Variants in KLHL3 observed in about 807,000 individuals in gnomAD.
The protein encoded by KLHL3 is kelch like family member 3.
Under a neutral mutation model 70.5 loss-of-function variants are expected in KLHL3, and 19 were observed. The ratio of observed to expected loss-of-function variants is 0.27; its 90% CI spans 0.19 to 0.40. The LOEUF is 0.40. KLHL3 is among the 10% of genes least tolerant of loss of function. The pLI is 1.00. For missense variants in KLHL3, 512 were observed against 771.1 expected (o/e 0.66, Z 3.98); for synonymous variants, 258 against 290.3 (o/e 0.89, Z 1.13).
intron 2 of KLHL3, among the ~76,000 whole-genome samples, chr5:137,719,886 T>G (rs559575551): frequency 3.7e-4 from 56 of 152,212 alleles, no homozygotes; most frequent in Admixed American, 7.2e-4. Context: ...AGTTTATGAA[T>G]AGACTTGCTG....
At chr5:137,687,052 C>T (rs1752191988) in intron 5 of KLHL3, among the ~76,000 whole-genome samples, 2 of 113,710 alleles carry the variant, frequency 1.8e-5, no homozygotes, top group African/African-American at 6.4e-5. Context: ...GGCCAGCCGC[C>T]CCGTCCGGGA....
At chr5:137,653,039 G>C (rs953103723) in intron 8 of KLHL3, 13 of 151,082 alleles carry the variant, frequency 8.6e-5, no homozygotes, top group Admixed American at 2.0e-4. Context: ...TCAGGAGATT[G>C]AGACCATCCT....
At chr5:137,708,586 C>T (rs1752729170) in intron 3 of KLHL3, among the ~76,000 whole-genome samples, 2 of 152,152 alleles carry the variant, frequency 1.3e-5, no homozygotes, top group Non-Finnish European at 1.5e-5. Context: ...AACAAACAAG[C>T]CCACCAAGGT....
intron 13 of KLHL3, chr5:137,627,978 A>C: frequency 3.3e-6 from 1 of 304,270 alleles, no homozygotes; most frequent in South Asian, 4.4e-5. Context: ...TACCTACTAA[A>C]GCTGTTGGGC....
intron 2 of KLHL3, among the ~76,000 whole-genome samples, chr5:137,714,540 A>G (rs1263825103): frequency 6.6e-6 from 1 of 152,226 alleles, no homozygotes; most frequent in African/African-American, 2.4e-5. Flanking sequence ...GCCAGATACA[A>G]AAGGCTACCT....
chr5:137,662,240 T>TACAC (rs138942924), intron 6 of KLHL3, among the ~76,000 whole-genome samples: 2,342 of 141,828 alleles, frequency 0.017, 23 homozygotes, highest in Middle Eastern at 0.021. Context: ...ACACACACTC[T>TACAC]ACACACACAC....
At chr5:137,651,705 A>C (rs1011440260) in intron 8 of KLHL3, among the ~76,000 whole-genome samples, 2 of 152,184 alleles carry the variant, frequency 1.3e-5, no homozygotes, top group Non-Finnish European at 1.5e-5. Context: ...GTAGATAGAC[A>C]AGTTGATTCT....
At chr5:137,661,235 C>T (rs1050523262) in intron 7 of KLHL3, 2 of 152,068 alleles carry the variant, frequency 1.3e-5, no homozygotes, top group African/African-American at 4.8e-5. Context: ...CTAGTGACCC[C>T]GATAAATCCC....
chr5:137,728,708 A>G lies in KLHL3; in HGVS notation c.14+6925T>C, dbSNP rs148160104. On this transcript the variant is annotated intron_variant, in intron 1 of 14. Transcript: ENST00000309755. ...ACATGCTAGAAAGGCAGGGGATAGAAGAGTCTCCAAGCAGGCTGATTGTGC... is the reference window on the plus strand; with the variant it reads ...ACATGCTAGAAAGGCAGGGGATAGAGGAGTCTCCAAGCAGGCTGATTGTGC... Among the ~76,000 whole-genome samples, 1,263 of 152,294 alleles carry G rather than the reference A, an allele frequency of 8.3e-3. 21 individuals carry two copies. Among genetic ancestry groups the G allele is most frequent in the African/African-American group, 0.029 (1,192 of 41,560 alleles).
intron 13 of KLHL3, chr5:137,627,992 G>C: frequency 6.1e-6 from 2 of 329,288 alleles, no homozygotes; most frequent in Non-Finnish European, 1.1e-5. Context: ...GTTGGGCAGC[G>C]GGCACTGATG....
chr5:137,638,029 C>A (rs1447864692), intron 10 of KLHL3, among the ~76,000 whole-genome samples: 1 of 152,226 alleles, frequency 6.6e-6, no homozygotes, highest in Non-Finnish European at 1.5e-5. Context: ...TGGACCAACT[C>A]AGCAACTGCT....
chr5:137,735,547 T>C, intron 1 of KLHL3, 86 bp downstream of exon 1: 3 of 1,066,306 alleles, frequency 2.8e-6, no homozygotes, highest in Admixed American at 1.7e-5. Context: ...GCCTAGCCAA[T>C]GCAAACACAA....
At chr5:137,653,092 A>C (rs1751246970) in intron 8 of KLHL3, 1 of 151,874 alleles carries the variant, frequency 6.6e-6, no homozygotes, top group Non-Finnish European at 1.5e-5. Flanking sequence ...AATACAAAAA[A>C]AAAAAAAATT....
intron 5 of KLHL3, among the ~76,000 whole-genome samples, chr5:137,679,675 A>T (rs2149908750): frequency 6.6e-6 from 1 of 152,364 alleles, no homozygotes; most frequent in Admixed American, 6.5e-5. Flanking sequence ...GACAAAAAGT[A>T]GTCAGCACCC....
At chr5:137,645,113 T>A (rs193152056) in intron 8 of KLHL3, among the ~76,000 whole-genome samples, 196 of 152,082 alleles carry the variant, frequency 1.3e-3, no homozygotes, top group Non-Finnish European at 2.1e-3. Flanking sequence ...AAACTCAACA[T>A]CCCTTCATAA....
At chr5:137,638,811 G>T in intron 10 of KLHL3, 142 bp downstream of exon 10, 1 of 767,984 alleles carries the variant, frequency 1.3e-6, no homozygotes, top group South Asian at 1.8e-5. Flanking sequence ...CCAAAAGCTG[G>T]ATGAGGAAGA....
Position 137,639,798 on chromosome 5 carries a change from T to C in KLHL3, c.1021+62A>G. 1 of 1,272,064 alleles carries C rather than the reference T, an allele frequency of 7.9e-7. No homozygotes were observed. The highest frequency in any genetic ancestry group is 2.3e-5 in the East Asian group (1 of 43,132). The allele number at this position is 1,272,064 out of a possible 1,614,324, so 78.8% of individuals were successfully genotyped here. A position where few individuals can be genotyped will look rare whatever the true frequency, so the allele number is the denominator to read the frequency against. On this transcript the variant is annotated intron_variant, in intron 9 of 14. Coordinates refer to ENST00000309755, the MANE Select transcript of KLHL3 (RefSeq NM_017415.3). The surrounding 1 kb of genome is among the most constrained non-coding windows in gnomAD (Gnocchi z 5.0). ...GAGGAAACAAGGAGTAGCTCACGAC[T>C]TCTGGCACGGAGTGGGGACCAGCAG...
At position 137,669,481 on chromosome 5, in the gene KLHL3, GAT is replaced by G. The variant is rs1374776544; in HGVS notation, c.637-7452_637-7451del. Among the ~76,000 whole-genome samples the G allele has an allele frequency of 5.0e-3, 750 of 151,478 alleles. 4 individuals carry two copies. Among genetic ancestry groups the G allele is most frequent in the Non-Finnish European group, 8.9e-3 (603 of 67,430 alleles). On this transcript the variant is annotated intron_variant, in intron 6 of 14. Transcript: ENST00000309755. ...TATCTGACTTCAGATAACCAAAAATGATGAAAAAATTAAAACGGTAACATCAC... is the reference window on the plus strand; with the variant it reads ...TATCTGACTTCAGATAACCAAAAATGGAAAAAATTAAAACGGTAACATCAC...
chr5:137,650,561 T>G (rs886921379), intron 8 of KLHL3, among the ~76,000 whole-genome samples: 5 of 152,206 alleles, frequency 3.3e-5, no homozygotes, highest in African/African-American at 1.2e-4. Context: ...GGCTCATGCC[T>G]GTAATCCCAG....
Sources: gnomAD v4.1 joint callset for allele counts (sites outside exome capture counted in the v4.1 genomes callset) on GRCh38, gnomAD v4.1.1 for gene constraint, Gnocchi (gnomAD v3.1) non-coding constraint, MANE v1.5 for transcripts, NCBI Gene and HGNC (gene_info 2026-07-23, HGNC 2026-07-21) for gene names.